Variants in GRIP1 observed in about 807,000 individuals in gnomAD.
GRIP1 encodes glutamate receptor-interacting protein 1.
Under a neutral mutation model 129.9 loss-of-function variants are expected in GRIP1, and 45 were observed. The ratio of observed to expected loss-of-function variants is 0.35; its 90% CI spans 0.27 to 0.44. The LOEUF is 0.44. Ranked by LOEUF, GRIP1 falls within the 20% of genes least tolerant of loss-of-function variation. The pLI is 1.00. For synonymous variants in GRIP1, 530 were observed against 520.8 expected (o/e 1.02, Z -0.24); for missense variants, 1,196 against 1,396.8 (o/e 0.86, Z 2.29).
At chr12:67,018,968 G>A (rs1592474185) in intron 1 of GRIP1, among the ~76,000 whole-genome samples, 1 of 151,942 alleles carries the variant, frequency 6.6e-6, no homozygotes, top group Non-Finnish European at 1.5e-5. Flanking sequence ...CACACTCAGG[G>A]ATACAGTTTA....
intron 1 of GRIP1, among the ~76,000 whole-genome samples, chr12:66,716,952 AAC>A (rs1182249903): frequency 3.7e-4 from 56 of 152,152 alleles, no homozygotes; most frequent in South Asian, 4.2e-4. Flanking sequence ...CTCATAACCA[AAC>A]ACAGCCCAGG....
At chr12:66,666,917 C>T (rs1007387919) in intron 1 of GRIP1, among the ~76,000 whole-genome samples, 6 of 151,082 alleles carry the variant, frequency 4.0e-5, no homozygotes, top group Admixed American at 1.3e-4. Flanking sequence ...AAATCTGACA[C>T]GAAGTTGATT....
At chr12:66,709,681 G>T (rs1326389559) in intron 1 of GRIP1, among the ~76,000 whole-genome samples, 1 of 151,782 alleles carries the variant, frequency 6.6e-6, no homozygotes, top group Non-Finnish European at 1.5e-5. Context: ...GTGCCTTAAG[G>T]ATTTCTGATA....
chr12:67,005,630 CT>C lies in GRIP1; in HGVS notation c.58+63419del, dbSNP rs202050033. On this transcript the variant is annotated intron_variant, in intron 1 of 1. Transcript: ENST00000643019. The stretch of plus-strand genomic sequence containing the variant: ...TGTGGAACACCAACCATGGCCACTG[CT>C]GTGTGATTGCACTTGTCGTTGCTGA... Among the ~76,000 whole-genome samples, 1,252 of 152,332 alleles carry C rather than the reference CT, an allele frequency of 8.2e-3. 61 individuals carry two copies. The highest frequency in any genetic ancestry group is 0.076 in the Admixed American group (1,165 of 15,304).
chr12:66,400,661 T>G (rs571687667), intron 16 of GRIP1, among the ~76,000 whole-genome samples: 30 of 152,296 alleles, frequency 2.0e-4, no homozygotes, highest in Middle Eastern at 3.4e-3. Context: ...AAGTATTGAT[T>G]TATGGTCTCC....
chr12:66,920,255 A>G (rs887785449), intron 1 of GRIP1, among the ~76,000 whole-genome samples: 1 of 152,132 alleles, frequency 6.6e-6, no homozygotes, highest in Non-Finnish European at 1.5e-5. Context: ...CCACCTAATT[A>G]ACAGAGTATG....
At chr12:66,574,790 T>TTTTTTTTTTTTTTTTTTC (rs55885862) in intron 2 of GRIP1, among the ~76,000 whole-genome samples, 468 of 142,054 alleles carry the variant, frequency 3.3e-3, no homozygotes, top group African/African-American at 0.01. Context: ...CACTTTTCTT[T>TTTTTTTTTTTTTTTTTTC]TTTTTTTTTT....
intron 1 of GRIP1, among the ~76,000 whole-genome samples, chr12:66,739,620 T>C (rs2036723255): frequency 4.0e-5 from 6 of 151,860 alleles, no homozygotes; most frequent in Admixed American, 3.9e-4. Flanking sequence ...TCAGGATAAA[T>C]AGCTAATGCA....
At chr12:66,717,738 T>C (rs1260762218) in intron 1 of GRIP1, among the ~76,000 whole-genome samples, 9 of 152,142 alleles carry the variant, frequency 5.9e-5, no homozygotes, top group Admixed American at 4.6e-4. Context: ...TAACTATAAA[T>C]GAGATTGCAC....
At chr12:67,056,792 GGTTTT>G (rs550158862) in intron 1 of GRIP1, among the ~76,000 whole-genome samples, 94 of 152,078 alleles carry the variant, frequency 6.2e-4, no homozygotes, top group African/African-American at 2.0e-3. Flanking sequence ...TGGACTGAAT[GGTTTT>G]GTTTTGTTTT....
At chr12:66,607,210 ACTT>A (rs2064576898) in intron 1 of GRIP1, among the ~76,000 whole-genome samples, 2 of 152,288 alleles carry the variant, frequency 1.3e-5, no homozygotes, top group South Asian at 4.1e-4. Flanking sequence ...TTTAGACATC[ACTT>A]CTTCATCATG....
At chr12:67,046,244 A>G (rs1004594246) in intron 1 of GRIP1, among the ~76,000 whole-genome samples, 1 of 152,186 alleles carries the variant, frequency 6.6e-6, no homozygotes, top group African/African-American at 2.4e-5. Flanking sequence ...CATCTGAAGC[A>G]AAGGGCAGTA....
chr12:66,895,684 A>G (rs2040735680), intron 1 of GRIP1, among the ~76,000 whole-genome samples: 1 of 152,138 alleles, frequency 6.6e-6, no homozygotes, highest in African/African-American at 2.4e-5. Context: ...TTTCTCCCCA[A>G]AGGTAAAGCT....
At chr12:66,555,920 C>G (rs1565858062) in intron 2 of GRIP1, among the ~76,000 whole-genome samples, 1 of 151,970 alleles carries the variant, frequency 6.6e-6, no homozygotes, top group South Asian at 2.1e-4. Context: ...CTATTAGACC[C>G]AGAAAATAGC....
At chr12:66,914,402 T>C (rs1296144226) in intron 1 of GRIP1, among the ~76,000 whole-genome samples, 1 of 152,248 alleles carries the variant, frequency 6.6e-6, no homozygotes, top group African/African-American at 2.4e-5. Context: ...AATTGTGTTA[T>C]TGCAAATTTT....
At chr12:66,632,683 A>T (rs1453263800) in intron 1 of GRIP1, among the ~76,000 whole-genome samples, 1 of 152,188 alleles carries the variant, frequency 6.6e-6, no homozygotes, top group East Asian at 1.9e-4. Flanking sequence ...CTTTGGGGTC[A>T]TAAACTCTTT....
intron 15 of GRIP1, among the ~76,000 whole-genome samples, chr12:66,410,668 AACAG>A (rs34980736): frequency 0.48 from 73,031 of 150,630 alleles, 21,412 homozygotes; most frequent in Non-Finnish European, 0.65. Context: ...CAAACAAACA[AACAG>A]ACAAACAATG....
At chr12:67,020,645 T>C (rs2042852333) in intron 1 of GRIP1, among the ~76,000 whole-genome samples, 1 of 151,784 alleles carries the variant, frequency 6.6e-6, no homozygotes, top group Admixed American at 6.6e-5. Context: ...TCTCAAGCAA[T>C]CCTCCCACCT....
At chr12:66,541,780 G>A (rs746926060) in intron 3 of GRIP1, 35 bp downstream of exon 3, 2 of 1,605,350 alleles carry the variant, frequency 1.2e-6, no homozygotes, top group Non-Finnish European at 8.5e-7. Context: ...TACACCCTGT[G>A]TTCCTTTCAG....
Sources: gnomAD v4.1 joint callset for allele counts (sites outside exome capture counted in the v4.1 genomes callset) on GRCh38, gnomAD v4.1.1 for gene constraint, MANE v1.5 for transcripts, NCBI Gene and HGNC (gene_info 2026-07-23, HGNC 2026-07-21) for gene names.